Variants in SLCO6A1 observed in about 807,000 individuals in gnomAD.
SLCO6A1 encodes the protein solute carrier organic anion transporter family member 6A1, also known as cancer/testis antigen 48.
Under a neutral mutation model 72.7 loss-of-function variants are expected in SLCO6A1, and 65 were observed. The ratio of observed to expected loss-of-function variants is 0.89; its 90% confidence interval spans 0.73 to 1.10. SLCO6A1 has a LOEUF of 1.10. Ranked by LOEUF, SLCO6A1 falls within the 50% of genes least tolerant of loss-of-function variation. The probability of loss-of-function intolerance (pLI) is 0.00; values close to 1 mark genes in which losing one functional copy is unlikely to be tolerated. For synonymous variants in SLCO6A1, 314 were observed against 298.2 expected, an observed-to-expected ratio of 1.05 and a Z score of -0.55; for missense variants, 874 against 872.6, an observed-to-expected ratio of 1.00 and a Z score of -0.02.
chr5:102,476,674 A>T (rs1163453863), intron 3 of SLCO6A1, among the ~76,000 whole-genome samples: 2 of 152,008 alleles, frequency 1.3e-5, no homozygotes, highest in East Asian at 3.8e-4. Context: ...ACTTTATTTA[A>T]TCTATATATT....
At chr5:102,392,862 A>G (rs1746842749) in intron 10 of SLCO6A1, among the ~76,000 whole-genome samples, 1 of 152,018 alleles carries the variant, frequency 6.6e-6, no homozygotes, top group African/African-American at 2.4e-5. Context: ...TATCTTTCTT[A>G]TAAGACATCG....
At chr5:102,433,616 G>A (rs1749338920) in intron 7 of SLCO6A1, among the ~76,000 whole-genome samples, 2 of 152,130 alleles carry the variant, frequency 1.3e-5, no homozygotes, top group African/African-American at 4.8e-5. Context: ...GCTCCTCAAG[G>A]TAGAAACATG....
chr5:102,449,492 T>G (rs570524460), intron 6 of SLCO6A1, among the ~76,000 whole-genome samples: 32 of 152,016 alleles, frequency 2.1e-4, no homozygotes, highest in Non-Finnish European at 1.8e-4. Flanking sequence ...GTTCATGCCA[T>G]TCTCCTGCCT....
chr5:102,420,114 T>C (rs1019474027), intron 7 of SLCO6A1, 93 bp from the exon 8 acceptor site: 3 of 1,021,012 alleles, frequency 2.9e-6, no homozygotes, highest in Non-Finnish European at 4.1e-6. Context: ...GCTCTAAACA[T>C]ATAGCAAACA....
chr5:102,497,872 C>A (rs1421248354), intron 1 of SLCO6A1, among the ~76,000 whole-genome samples: 1 of 152,202 alleles, frequency 6.6e-6, no homozygotes, highest in Non-Finnish European at 1.5e-5. Flanking sequence ...CATGCAGCCT[C>A]TGGCGCCAAG....
chr5:102,465,242 A>G (rs1751251093), intron 4 of SLCO6A1, among the ~76,000 whole-genome samples: 1 of 152,066 alleles, frequency 6.6e-6, no homozygotes. Context: ...CTCAGAGAGC[A>G]GGTCAGAAAT....
chr5:102,484,766 T>A (rs1430929736), intron 1 of SLCO6A1, among the ~76,000 whole-genome samples: 1 of 152,174 alleles, frequency 6.6e-6, no homozygotes, highest in Admixed American at 6.5e-5. Flanking sequence ...ACATCAGAAA[T>A]TTTTTTAAAA....
chr5:102,405,003 C>T (rs578214125), intron 9 of SLCO6A1, among the ~76,000 whole-genome samples: 1 of 152,218 alleles, frequency 6.6e-6, no homozygotes, highest in Non-Finnish European at 1.5e-5. Context: ...TCACAGAATT[C>T]TCCAACACAG....
In SLCO6A1 at chr5:102,388,842, G is replaced by T; in HGVS notation, c.1880-17C>A. On this transcript the variant is annotated splice_polypyrimidine_tract_variant and intron_variant, in intron 11 of 13. Transcript: ENST00000506729. The stretch of plus-strand genomic sequence containing the variant: ...GAATAGTCCCTATGAAAAATGCAAT[G>T]ATTGTAAATTCTTTGTGAAAACACT... 6.3e-7 allele frequency: 1 copy of T among 1,586,404 alleles called. No homozygotes were observed. Among genetic ancestry groups the T allele is most frequent in the East Asian group, 2.3e-5 (1 of 43,686 alleles).
In SLCO6A1 at chr5:102,416,614, T is replaced by C. The variant is rs181522693; in HGVS notation, c.1472+3212A>G. 1.9e-3 allele frequency among the ~76,000 whole-genome samples: 291 copies of C among 152,166 alleles called. 3 individuals carry two copies. The highest frequency in any genetic ancestry group is 6.7e-3 in the African/African-American group (280 of 41,544). On this transcript the variant is annotated intron_variant, in intron 8 of 13. Transcript: ENST00000506729. The stretch of plus-strand genomic sequence containing the variant: ...GAGAAGGTGACAGATAATGAGAAAT[T>C]ACTTAATGGGTATAATGTATATTAT...
intron 6 of SLCO6A1, among the ~76,000 whole-genome samples, chr5:102,453,316 T>G: frequency 6.7e-6 from 1 of 148,520 alleles, no homozygotes; most frequent in African/African-American, 2.5e-5. Flanking sequence ...TCAGCCTGGG[T>G]GACAGAGTGA....
At chr5:102,453,314 G>T (rs908996401) in intron 6 of SLCO6A1, among the ~76,000 whole-genome samples, 1 of 150,880 alleles carries the variant, frequency 6.6e-6, no homozygotes, top group Admixed American at 6.6e-5. Context: ...TTTCAGCCTG[G>T]GTGACAGAGT....
At chr5:102,441,820 C>T (rs1008343637) in intron 6 of SLCO6A1, among the ~76,000 whole-genome samples, 2 of 151,434 alleles carry the variant, frequency 1.3e-5, no homozygotes, top group Admixed American at 1.3e-4. Flanking sequence ...TTTACTTTTA[C>T]TTTATTAGCT....
At chr5:102,379,006 C>G (rs1287572145) in intron 12 of SLCO6A1, among the ~76,000 whole-genome samples, 1 of 152,126 alleles carries the variant, frequency 6.6e-6, no homozygotes. Flanking sequence ...GTCTCGAACA[C>G]ATGACCTCAG....
intron 1 of SLCO6A1, among the ~76,000 whole-genome samples, chr5:102,483,978 A>G (rs1331000521): frequency 6.6e-6 from 1 of 152,186 alleles, no homozygotes; most frequent in East Asian, 1.9e-4. Flanking sequence ...AAAAATAATA[A>G]GAGTTTCTTA....
In SLCO6A1 at chr5:102,375,735, G is replaced by A. The variant is rs144616332; in HGVS notation, c.2018-2241C>T. ...AAATACAAACTACAAAATGAACTTC[G>A]TAAAATAACTAGAAATTAAAAAAGC... On this transcript the variant is annotated intron_variant, in intron 12 of 13. Coordinates refer to ENST00000506729, the MANE Select transcript of SLCO6A1 (RefSeq NM_173488.5). Among the ~76,000 whole-genome samples the A allele has an allele frequency of 4.0e-3, 604 of 152,044 alleles. 4 individuals are homozygous for A. The highest frequency in any genetic ancestry group is 0.014 in the African/African-American group (572 of 41,482).
intron 10 of SLCO6A1, among the ~76,000 whole-genome samples, chr5:102,398,586 C>T (rs936152274): frequency 2.6e-5 from 4 of 152,126 alleles, no homozygotes; most frequent in African/African-American, 7.2e-5. Context: ...TGATCACTTT[C>T]GCTCTTGAGG....
chr5:102,381,481 G>A (rs147543256), intron 12 of SLCO6A1, among the ~76,000 whole-genome samples: 2 of 151,792 alleles, frequency 1.3e-5, no homozygotes, highest in East Asian at 1.9e-4. Flanking sequence ...ATCTGTCAAT[G>A]AGCACCTAGG....
intron 3 of SLCO6A1, among the ~76,000 whole-genome samples, chr5:102,477,443 A>G (rs1238424357): frequency 6.6e-6 from 1 of 151,976 alleles, no homozygotes; most frequent in Non-Finnish European, 1.5e-5. Context: ...TATTTTTTCA[A>G]TTGCTCTATA....
Sources: gnomAD v4.1 joint callset for allele counts (sites outside exome capture counted in the v4.1 genomes callset) on GRCh38, gnomAD v4.1.1 for gene constraint, MANE v1.5 for transcripts, NCBI Gene and HGNC (gene_info 2026-07-23, HGNC 2026-07-21) for gene names.